DOK6: variants seen among roughly 807,000 people sequenced by gnomAD.
The protein encoded by DOK6 is downstream of tyrosine kinase 6.
In DOK6, 22 loss-of-function variants were observed where a neutral mutation model predicts 44.0. That is an observed-to-expected ratio of 0.50 (90% CI 0.36 to 0.71). The LOEUF is 0.71. Ranked by LOEUF, DOK6 falls within the 30% of genes least tolerant of loss-of-function variation. The probability of loss-of-function intolerance (pLI) is 0.00; values close to 1 mark genes in which losing one functional copy is unlikely to be tolerated. For missense variants in DOK6, 340 were observed against 416.4 expected, an observed-to-expected ratio of 0.82 and a Z score of 1.60; for synonymous variants, 166 against 145.5, an observed-to-expected ratio of 1.14 and a Z score of -1.01.
chr18:69,530,671 G>A (rs1189554404), intron 1 of DOK6, among the ~76,000 whole-genome samples: 1 of 152,168 alleles, frequency 6.6e-6, no homozygotes, highest in African/African-American at 2.4e-5. Context: ...GCTGAGGAGA[G>A]CTTTACTTCC....
intron 1 of DOK6, among the ~76,000 whole-genome samples, chr18:69,405,505 G>A (rs531745889): frequency 4.5e-4 from 68 of 152,076 alleles, no homozygotes; most frequent in Admixed American, 1.5e-3. Flanking sequence ...GCTTGAACTC[G>A]GAAGGTGGAA....
intron 1 of DOK6, among the ~76,000 whole-genome samples, chr18:69,440,640 C>T (rs531751465): frequency 1.3e-5 from 2 of 152,068 alleles, no homozygotes; most frequent in Non-Finnish European, 2.9e-5. Context: ...GACTTTTTTC[C>T]ACTGTCCTCT....
In DOK6 at chr18:69,625,820, T is replaced by TTTTG. The variant is rs1002992915; in HGVS notation, c.289+26336_289+26339dup. On this transcript the variant is annotated intron_variant, in intron 3 of 7. Transcript: ENST00000382713. ...AGGCTTGATCATTCTGAAACCAGTT[T>TTTTG]TTTGTTTGTTTGTTTGTCTCAACGG... is the stretch of plus-strand genomic sequence containing the variant. Among the ~76,000 whole-genome samples, 63 of 152,362 alleles carry TTTTG rather than the reference T, an allele frequency of 4.1e-4. 1 individual carries two copies. The highest frequency in any genetic ancestry group is 5.2e-4 in the Admixed American group (8 of 15,306).
chr18:69,564,922 T>C lies in DOK6; in HGVS notation c.174+328T>C, dbSNP rs921515031. Among the ~76,000 whole-genome samples the C allele has an allele frequency of 4.6e-5, 7 of 152,294 alleles. No individual in the cohort carries two copies. The South Asian group carries it at 1.2e-3, about 27-fold the overall frequency. ...TGCATTTGTTACTTGGCGTAAACTGTGAACAATATTTACTAGATAAAAATT... is the reference window on the plus strand; with the variant it reads ...TGCATTTGTTACTTGGCGTAAACTGCGAACAATATTTACTAGATAAAAATT... On this transcript the variant is annotated intron_variant, in intron 2 of 7. Coordinates refer to ENST00000382713, the MANE Select transcript of DOK6 (RefSeq NM_152721.6).
Position 69,848,475 on chromosome 18 carries a change from T to C in DOK6, c.*7092T>C, listed in dbSNP as rs991424492. On this transcript the variant is annotated 3_prime_UTR_variant, in exon 8 of 8. Coordinates refer to ENST00000382713, the MANE Select transcript of DOK6 (RefSeq NM_152721.6). ...GGGACATCTGTACTTAAAAACTAGC[T>C]GAACTACGTTTTGGGATGAGATGCA... 6.6e-6 allele frequency: 1 copy of C among 152,236 alleles called. No homozygotes were observed. The highest frequency in any genetic ancestry group is 6.5e-5 in the Admixed American group (1 of 15,286). The allele number at this position is 152,236 out of a possible 1,614,324, so 9.4% of individuals were successfully genotyped here. A position where few individuals can be genotyped will look rare whatever the true frequency, so the allele number is the denominator to read the frequency against.
At chr18:69,434,561 CGGGCGG>C (rs1978894224) in intron 1 of DOK6, among the ~76,000 whole-genome samples, 3 of 148,488 alleles carry the variant, frequency 2.0e-5, no homozygotes, top group Admixed American at 6.8e-5. Context: ...AAGGCAGAGG[CGGGCGG>C]ATCACGAGGT....
At chr18:69,439,297 C>T (rs1979072375) in intron 1 of DOK6, among the ~76,000 whole-genome samples, 1 of 152,106 alleles carries the variant, frequency 6.6e-6, no homozygotes, top group Non-Finnish European at 1.5e-5. Flanking sequence ...TTAGCATAAT[C>T]TTTAAGGGCC....
At chr18:69,592,945 A>G (rs12961203) in intron 2 of DOK6, among the ~76,000 whole-genome samples, 116,039 of 152,064 alleles carry the variant, frequency 0.76, 47,277 homozygotes, top group Non-Finnish European at 0.91. Flanking sequence ...GTAAGTAAAT[A>G]CAGAGTTTCC....
At chr18:69,434,100 G>A (rs1978881903) in intron 1 of DOK6, among the ~76,000 whole-genome samples, 1 of 152,128 alleles carries the variant, frequency 6.6e-6, no homozygotes, top group Admixed American at 6.6e-5. Context: ...AATTATGTGA[G>A]GTCAGGTTCA....
At chr18:69,832,189 G>T (rs1242812448) in intron 7 of DOK6, among the ~76,000 whole-genome samples, 1 of 152,032 alleles carries the variant, frequency 6.6e-6, no homozygotes, top group Non-Finnish European at 1.5e-5. Flanking sequence ...GCCCTTATTT[G>T]GTTGAGATAT....
rs79511914 is a variant in DOK6 at position 69,708,153 on chromosome 18, A to G, written c.599+9560A>G. 3.7e-3 allele frequency among the ~76,000 whole-genome samples: 562 copies of G among 152,346 alleles called. 6 individuals carry two copies. Among genetic ancestry groups the G allele is most frequent in the African/African-American group, 0.013 (545 of 41,580 alleles). ...ATTGGACTTTATCTTACAGGCAGCA[A>G]GGAGTTGTTTTTTAATGTAGCAAGT... On this transcript the variant is annotated intron_variant, in intron 5 of 7. Coordinates refer to ENST00000382713, the MANE Select transcript of DOK6 (RefSeq NM_152721.6).
intron 1 of DOK6, among the ~76,000 whole-genome samples, chr18:69,454,665 T>C (rs1267668891): frequency 8.3e-6 from 1 of 120,076 alleles, no homozygotes; most frequent in Non-Finnish European, 1.8e-5. Context: ...AACCCAAATG[T>C]CCAACAATTA....
chr18:69,522,922 T>G (rs778940455), intron 1 of DOK6, among the ~76,000 whole-genome samples: 2 of 152,118 alleles, frequency 1.3e-5, no homozygotes, highest in African/African-American at 4.8e-5. Flanking sequence ...GAGATCAAAG[T>G]GTGTCTTTTT....
intron 1 of DOK6, among the ~76,000 whole-genome samples, chr18:69,422,665 CTGTT>C (rs78395438): frequency 0.12 from 18,664 of 152,146 alleles, 1,712 homozygotes; most frequent in East Asian, 0.31. Flanking sequence ...TTGATATACT[CTGTT>C]TGTGTAACTT....
In DOK6 at chr18:69,536,974, TTTATCA is replaced by T. The variant is rs1555711144; in HGVS notation, c.67-27508_67-27503del. ...TCACATTAACATACACGACAGAAGA[TTTATCA>T]TTATTATTATTATTATTATTATTAT... On this transcript the variant is annotated intron_variant, in intron 1 of 7. Coordinates refer to ENST00000382713, the MANE Select transcript of DOK6 (RefSeq NM_152721.6). Among the ~76,000 whole-genome samples, 821 of 100,602 alleles carry T rather than the reference TTTATCA, an allele frequency of 8.2e-3. 4 individuals carry two copies. Among genetic ancestry groups the T allele is most frequent in the Non-Finnish European group, 0.014 (647 of 45,946 alleles). The allele number at this position is 100,602 out of a possible 152,430, so 66.0% of individuals were successfully genotyped here. A position where few individuals can be genotyped will look rare whatever the true frequency, so the allele number is the denominator to read the frequency against.
At chr18:69,407,108 A>G (rs1383655846) in intron 1 of DOK6, among the ~76,000 whole-genome samples, 1 of 152,204 alleles carries the variant, frequency 6.6e-6, no homozygotes, top group Non-Finnish European at 1.5e-5. Flanking sequence ...TATGAAGCAT[A>G]TATATTTGAC....
chr18:69,749,464 GA>G (rs199597638), intron 6 of DOK6, among the ~76,000 whole-genome samples: 249 of 151,818 alleles, frequency 1.6e-3, no homozygotes, highest in African/African-American at 5.1e-3. Context: ...TCTTGATGAT[GA>G]AAAAAAAGGA....
intron 7 of DOK6, among the ~76,000 whole-genome samples, chr18:69,773,366 G>A (rs74536766): frequency 0.02 from 2,992 of 151,974 alleles, 91 homozygotes; most frequent in African/African-American, 0.068. Context: ...TATGAAAGTA[G>A]GATCTCGAAG....
chr18:69,845,398 C>T lies in DOK6; in HGVS notation c.*4015C>T, dbSNP rs1982324428. The T allele has an allele frequency of 6.6e-6, 1 of 152,176 alleles. No homozygotes were observed. Among genetic ancestry groups the T allele is most frequent in the Non-Finnish European group, 1.5e-5 (1 of 68,036 alleles). 9.4% of individuals were successfully genotyped at this position (152,176 alleles called of 1,614,324 possible). On this transcript the variant is annotated 3_prime_UTR_variant, in exon 8 of 8. Transcript: ENST00000382713. ...ACCTTGCAATTTCAAATTACTTCAT[C>T]CGTCATTAACTATATGATCTCCCAA...
Sources: gnomAD v4.1 joint callset for allele counts (sites outside exome capture counted in the v4.1 genomes callset) on GRCh38, gnomAD v4.1.1 for gene constraint, MANE v1.5 for transcripts, NCBI Gene and HGNC (gene_info 2026-07-23, HGNC 2026-07-21) for gene names.